ZDHHC17: variants seen among roughly 807,000 people sequenced by gnomAD.
ZDHHC17 encodes the protein palmitoyltransferase ZDHHC17.
ZDHHC17 carries 40 observed loss-of-function variants against 90.3 expected under a neutral mutation model. That is an observed-to-expected ratio of 0.44 (90% confidence interval 0.34 to 0.58). The LOEUF is 0.58. Ranked by LOEUF, ZDHHC17 falls within the 20% of genes least tolerant of loss-of-function variation. The pLI is 0.01. For synonymous variants in ZDHHC17, 235 were observed against 252.4 expected (o/e 0.93, Z 0.65); for missense variants, 614 against 780.8 (o/e 0.79, Z 2.55).
At chr12:76,817,487 G>A (rs971376521) in intron 7 of ZDHHC17, among the ~76,000 whole-genome samples, 4 of 152,000 alleles carry the variant, frequency 2.6e-5, no homozygotes, top group African/African-American at 9.7e-5. Context: ...TCTGCCAATA[G>A]CCATATCAGT....
intron 1 of ZDHHC17, among the ~76,000 whole-genome samples, chr12:76,768,027 C>G (rs139730353): frequency 8.6e-4 from 131 of 152,148 alleles, no homozygotes; most frequent in African/African-American, 3.0e-3. Flanking sequence ...ATAGTGACAC[C>G]TTTTACAGTT....
chr12:76,794,164 C>T (rs546469356), intron 1 of ZDHHC17, among the ~76,000 whole-genome samples: 5 of 152,102 alleles, frequency 3.3e-5, no homozygotes, highest in Admixed American at 2.0e-4. Flanking sequence ...AGATTACAGG[C>T]GTGAGCCACT....
At chr12:76,769,460 C>A (rs1326424668) in intron 1 of ZDHHC17, among the ~76,000 whole-genome samples, 1 of 152,050 alleles carries the variant, frequency 6.6e-6, no homozygotes, top group South Asian at 2.1e-4. Context: ...TGTATTTGTA[C>A]ACATATAAGG....
chr12:76,824,860 G>A (rs76130541), intron 8 of ZDHHC17, among the ~76,000 whole-genome samples: 21,681 of 150,064 alleles, frequency 0.14, 1,953 homozygotes, highest in Non-Finnish European at 0.2. Flanking sequence ...AAAAAAGAAA[G>A]GGGGACAATA....
intron 10 of ZDHHC17, among the ~76,000 whole-genome samples, chr12:76,833,929 A>C (rs1051115128): frequency 6.6e-6 from 1 of 152,218 alleles, no homozygotes; most frequent in Non-Finnish European, 1.5e-5. Flanking sequence ...AAATGAAAAC[A>C]ACCTGAATAG....
rs183794143 is a variant in ZDHHC17, at chr12:76,828,253, A to T, written c.1041-137A>T. The T allele has an allele frequency of 2.1e-4, 137 of 639,090 alleles. 1 individual carries two copies. In the African/African-American group the frequency reaches 2.5e-3, roughly 12 times the overall value. 39.6% of individuals were successfully genotyped at this position (639,090 alleles called of 1,614,324 possible). A position where few individuals can be genotyped will look rare whatever the true frequency, so the allele number is the denominator to read the frequency against. Reference sequence around the variant, plus strand: ...ACTAATTTTTATTGATTACTATGAAAAATTGAGCATCCTGAACTCTGGATT... The same window carrying T: ...ACTAATTTTTATTGATTACTATGAATAATTGAGCATCCTGAACTCTGGATT... On this transcript the variant is annotated intron_variant, in intron 9 of 16. Transcript: ENST00000426126.
chr12:76,811,685 A>T (rs553141734), intron 5 of ZDHHC17, among the ~76,000 whole-genome samples: 1 of 152,156 alleles, frequency 6.6e-6, no homozygotes, highest in Admixed American at 6.5e-5. Context: ...ATATTCAGGC[A>T]TAATAGAATA....
At chr12:76,785,267 G>A (rs11115370) in intron 1 of ZDHHC17, among the ~76,000 whole-genome samples, 1,682 of 152,260 alleles carry the variant, frequency 0.011, 11 homozygotes, top group Non-Finnish European at 0.017. Flanking sequence ...GGTTGGACTA[G>A]ATGATATCAT....
chr12:76,811,509 A>G (rs1434433005), intron 5 of ZDHHC17, among the ~76,000 whole-genome samples: 2 of 152,052 alleles, frequency 1.3e-5, no homozygotes, highest in East Asian at 3.9e-4. Context: ...GGTATAGTAT[A>G]TAGGCTATAA....
chr12:76,823,689 G>A (rs1056585231), intron 8 of ZDHHC17, among the ~76,000 whole-genome samples: 1 of 152,140 alleles, frequency 6.6e-6, no homozygotes, highest in Non-Finnish European at 1.5e-5. Flanking sequence ...GACAAATTTA[G>A]GATAAAGAGA....
intron 2 of ZDHHC17, among the ~76,000 whole-genome samples, chr12:76,800,885 C>CTTTTTTTTTTTTTTT (rs71085458): frequency 1.9e-5 from 2 of 108,086 alleles, no homozygotes; most frequent in Non-Finnish European, 1.8e-5. Context: ...TTTGCCATTT[C>CTTTTTTTTTTTTTTT]TTTTTTTTTT....
intron 16 of ZDHHC17, among the ~76,000 whole-genome samples, chr12:76,850,378 T>TA (rs1953549555): frequency 6.6e-6 from 1 of 152,168 alleles, no homozygotes; most frequent in Non-Finnish European, 1.5e-5. Context: ...GTTTTAGAGA[T>TA]AGTTTGTCTC....
At chr12:76,819,519 TATA>T (rs1000329015) in intron 7 of ZDHHC17, among the ~76,000 whole-genome samples, 1 of 152,226 alleles carries the variant, frequency 6.6e-6, no homozygotes, top group African/African-American at 2.4e-5. Context: ...CGCTTTGTGT[TATA>T]ATAATTCTAT....
intron 1 of ZDHHC17, among the ~76,000 whole-genome samples, chr12:76,783,787 G>T (rs1237696525): frequency 6.6e-6 from 1 of 152,236 alleles, no homozygotes; most frequent in Non-Finnish European, 1.5e-5. Flanking sequence ...ATTTTGGTTA[G>T]CTGAGCCCTA....
intron 16 of ZDHHC17, 50 bp downstream of exon 16, chr12:76,849,520 C>G: frequency 1.6e-6 from 2 of 1,228,456 alleles, no homozygotes; most frequent in Non-Finnish European, 2.3e-6. Context: ...TAAAAATTTT[C>G]TTACTAACCA....
chr12:76,844,492 G>A (rs933605442), intron 12 of ZDHHC17: 3 of 151,988 alleles, frequency 2.0e-5, no homozygotes, highest in African/African-American at 7.2e-5. Context: ...AAAAAAGAAA[G>A]GATTACTTTG....
At chr12:76,797,327 G>C (rs898205582) in intron 1 of ZDHHC17, 107 bp from the exon 2 acceptor site, 24 of 624,196 alleles carry the variant, frequency 3.8e-5, no homozygotes, top group African/African-American at 3.8e-4. Flanking sequence ...AATTATTTCA[G>C]TAATTAGCAT....
rs575836758 is a variant in ZDHHC17 at position 76,850,946 on chromosome 12, A to G, written c.1860A>G (p.Glu620=). Residue 620 remains glutamate, a synonymous_variant, in exon 17 of 17, where the codon GAA becomes GAG. Transcript: ENST00000426126. ...IVDWTRQYTI[E]YDQISGSGYQ... ...ACTGGACCAGGCAGTATACAATAGA[A>G]TATGACCAAATATCAGGATCTGGGT... 8 of 1,613,938 alleles carry G rather than the reference A, an allele frequency of 5.0e-6. No individual in the cohort carries two copies. The South Asian group carries it at 6.6e-5, about 13-fold the overall frequency.
At chr12:76,801,314 C>T (rs1952886531) in intron 2 of ZDHHC17, among the ~76,000 whole-genome samples, 3 of 150,876 alleles carry the variant, frequency 2.0e-5, no homozygotes, top group African/African-American at 7.3e-5. Flanking sequence ...TCGTGTATGT[C>T]CTATAGCTAC....
Sources: allele counts gnomAD v4.1 joint callset (sites outside exome capture counted in the v4.1 genomes callset), GRCh38; gene constraint gnomAD v4.1.1; transcripts MANE v1.5; gene names NCBI Gene and HGNC (gene_info 2026-07-23, HGNC 2026-07-21).